Variants in NFIB observed in about 807,000 individuals in gnomAD.
The protein encoded by NFIB is nuclear factor I B, also known as nuclear factor 1 B-type.
NFIB carries 11 observed loss-of-function variants against 61.5 expected under a neutral mutation model. That is an observed-to-expected ratio of 0.18 (90% confidence interval 0.11 to 0.30). NFIB has a LOEUF of 0.30. Ranked by LOEUF, NFIB falls within the 10% of genes least tolerant of loss-of-function variation. NFIB has a pLI of 1.00. For missense variants in NFIB, 471 were observed against 608.9 expected (o/e 0.77, Z 2.38); for synonymous variants, 260 against 216.5 (o/e 1.20, Z -1.76).
At chr9:14,480,712 T>C in the NFIB span, among the ~76,000 whole-genome samples, 2 of 152,126 alleles carry the variant, frequency 1.3e-5, no homozygotes, top group Non-Finnish European at 2.9e-5. Flanking sequence ...GAGAACAACA[T>C]GAATGAGACA....
the NFIB span, among the ~76,000 whole-genome samples, chr9:14,513,492 G>A: frequency 1.3e-5 from 2 of 151,990 alleles, no homozygotes; most frequent in African/African-American, 4.8e-5. Context: ...GCCGGGTGTG[G>A]TAGCGCATGC....
the NFIB span, among the ~76,000 whole-genome samples, chr9:14,455,860 CAT>C: frequency 1.8e-4 from 28 of 152,144 alleles, no homozygotes; most frequent in African/African-American, 6.5e-4. Flanking sequence ...GATATTAAAA[CAT>C]AGAATCTAAA....
chr9:14,253,667 A>C (rs1319875565), intron 2 of NFIB, among the ~76,000 whole-genome samples: 1 of 152,122 alleles, frequency 6.6e-6, no homozygotes, highest in Non-Finnish European at 1.5e-5. Context: ...CCCATTTCCA[A>C]AAATAATTTT....
chr9:14,319,602 G>A (rs908446473), intron 1 of NFIB, among the ~76,000 whole-genome samples: 5 of 152,098 alleles, frequency 3.3e-5, no homozygotes, highest in Admixed American at 6.5e-5. Context: ...TATTTCTACA[G>A]GTAAACTGGC....
the NFIB span, among the ~76,000 whole-genome samples, chr9:14,530,727 G>A: frequency 3.9e-5 from 6 of 152,174 alleles, no homozygotes; most frequent in South Asian, 2.1e-4. Context: ...CCTTCTGTCC[G>A]GGCACAGTGG....
chr9:14,123,195 T>G (rs2039164963), intron 7 of NFIB, among the ~76,000 whole-genome samples: 1 of 149,638 alleles, frequency 6.7e-6, no homozygotes, highest in Non-Finnish European at 1.5e-5. Flanking sequence ...AGGCAGAGGT[T>G]GCAGCGAGCC....
chr9:14,457,258 T>TA, the NFIB span, among the ~76,000 whole-genome samples: 1 of 152,212 alleles, frequency 6.6e-6, no homozygotes, highest in Non-Finnish European at 1.5e-5. Flanking sequence ...ATTCACTGCA[T>TA]AGCCTTCGCA....
At chr9:14,231,135 A>AAAAAAAATATAT (rs55959148) in intron 2 of NFIB, among the ~76,000 whole-genome samples, 3 of 35,346 alleles carry the variant, frequency 8.5e-5, no homozygotes, top group Non-Finnish European at 1.6e-4. Context: ...AAAAAAAAAA[A>AAAAAAAATATAT]ATATATATAT....
intron 2 of NFIB, among the ~76,000 whole-genome samples, chr9:14,284,071 C>A (rs188284560): frequency 1.3e-5 from 2 of 152,238 alleles, no homozygotes; most frequent in Admixed American, 6.5e-5. Flanking sequence ...AAGGGGCAGT[C>A]ATGGGTTGAA....
the NFIB span, among the ~76,000 whole-genome samples, chr9:14,489,100 G>C: frequency 2.0e-5 from 3 of 152,178 alleles, no homozygotes; most frequent in Admixed American, 6.5e-5. Context: ...CCAGCGGAAA[G>C]AATACTCCAT....
At chr9:14,224,336 C>T (rs950725031) in intron 2 of NFIB, among the ~76,000 whole-genome samples, 4 of 152,148 alleles carry the variant, frequency 2.6e-5, no homozygotes, top group African/African-American at 9.7e-5. Flanking sequence ...ATGATCTTAT[C>T]ACTAAAACAT....
At chr9:14,455,064 T>A in the NFIB span, among the ~76,000 whole-genome samples, 2 of 152,230 alleles carry the variant, frequency 1.3e-5, no homozygotes, top group East Asian at 3.8e-4. Context: ...TTACTGCTGC[T>A]TAATTTGACT....
upstream of NFIB, among the ~76,000 whole-genome samples, chr9:14,401,191 A>G (rs1203526215): frequency 2.6e-5 from 4 of 152,212 alleles, no homozygotes; most frequent in East Asian, 7.7e-4. Flanking sequence ...GTGTCTACCC[A>G]TTGACAACCT....
rs2032985490 is a variant in NFIB at position 14,087,177 on chromosome 9, A to G, written c.*1132T>C. The G allele has an allele frequency of 5.0e-6, 1 of 200,252 alleles. No individual in the cohort carries two copies. Among genetic ancestry groups the G allele is most frequent in the Non-Finnish European group, 1.0e-5 (1 of 96,748 alleles). 12.4% of individuals were successfully genotyped at this position (200,252 alleles called of 1,614,324 possible). A position where few individuals can be genotyped will look rare whatever the true frequency, so the allele number is the denominator to read the frequency against. ...CCTATGGGTTCTTGATGCAACCAGT[A>G]ATTTTAAATAAATAAATTCTACCTC... On this transcript the variant is annotated 3_prime_UTR_variant, in exon 11 of 11. Transcript: ENST00000380953.
the NFIB span, among the ~76,000 whole-genome samples, chr9:14,521,492 T>G: frequency 6.6e-5 from 10 of 152,232 alleles, no homozygotes; most frequent in African/African-American, 2.4e-4. Context: ...AGTATTTTTC[T>G]GCTGTGAAAT....
At chr9:14,106,509 G>A (rs1274707018) in intron 10 of NFIB, among the ~76,000 whole-genome samples, 3 of 152,044 alleles carry the variant, frequency 2.0e-5, no homozygotes, top group Non-Finnish European at 2.9e-5. Flanking sequence ...TTCTTAGGGT[G>A]GAGTTCTGTG....
chr9:14,423,643 T>C, the NFIB span, among the ~76,000 whole-genome samples: 6 of 152,110 alleles, frequency 3.9e-5, no homozygotes, highest in African/African-American at 1.4e-4. Flanking sequence ...CTATGTCCCT[T>C]GAGTTTTGAT....
At chr9:14,435,946 C>T in the NFIB span, among the ~76,000 whole-genome samples, 2 of 152,246 alleles carry the variant, frequency 1.3e-5, no homozygotes, top group Non-Finnish European at 2.9e-5. Context: ...CCTTAAATTA[C>T]TTCACACATT....
intron 3 of NFIB, among the ~76,000 whole-genome samples, chr9:14,173,711 A>T (rs1222182255): frequency 3.3e-5 from 5 of 152,222 alleles, no homozygotes; most frequent in African/African-American, 1.2e-4. Flanking sequence ...GCTGACTCAA[A>T]TGTAGTATTT....
Sources: allele counts gnomAD v4.1 joint callset (sites outside exome capture counted in the v4.1 genomes callset), GRCh38; gene constraint gnomAD v4.1.1; transcripts MANE v1.5; gene names NCBI Gene and HGNC (gene_info 2026-07-23, HGNC 2026-07-21).